Variants in MYH1 observed in about 807,000 individuals in gnomAD.
MYH1 encodes myosin-1.
A neutral mutation model predicts 225.6 loss-of-function variants in MYH1; 214 were observed. The observed-to-expected ratio is 0.95, with a 90% CI of 0.85 to 1.06. The LOEUF is 1.06. Ranked by LOEUF, MYH1 falls within the 50% of genes least tolerant of loss-of-function variation. The probability of loss-of-function intolerance (pLI) is 0.00; values close to 1 mark genes in which losing one functional copy is unlikely to be tolerated. For missense variants in MYH1, 2,098 were observed against 2,344.2 expected, an observed-to-expected ratio of 0.89 and a Z score of 2.17; for synonymous variants, 774 against 842.3, an observed-to-expected ratio of 0.92 and a Z score of 1.40.
At chr17:10,492,702 T>A (rs1388348017) in intron 39 of MYH1, 134 bp from the exon 40 acceptor site, 52 of 1,016,298 alleles carry the variant, frequency 5.1e-5, no homozygotes, top group Non-Finnish European at 6.3e-5. Flanking sequence ...AGAGAAATGC[T>A]CTTGAATTTT....
At position 10,501,481 on chromosome 17, in the gene MYH1, C is replaced by G; in HGVS notation, c.3367G>C (p.Glu1123Gln). The change falls in exon 27 of 40, where the codon GAG becomes CAG. Residue 1123 changes from glutamate (E) to glutamine (Q), a missense_variant. Glu to Gln is a conservative substitution (Grantham distance 29). Coordinates refer to ENST00000226207, the MANE Select transcript of MYH1 (RefSeq NM_005963.4). Reference protein sequence around the residue: ...KELQARIEELEEEIEAERASR... With the variant: ...KELQARIEELQEEIEAERASR... ...GCCCGCTCTGCCTCGATTTCCTCCT[C>G]CAGCTCCTCAATGCGGGCCTGGGAA... is the stretch of plus-strand genomic sequence containing the variant. 2 of 1,614,244 alleles carry G rather than the reference C, an allele frequency of 1.2e-6. No individual in the cohort carries two copies. The highest frequency in any genetic ancestry group is 1.7e-6 in the Non-Finnish European group (2 of 1,180,048).
chr17:10,514,111 C>A lies in MYH1; in HGVS notation c.547G>T (p.Ala183Ser), dbSNP rs374196346. The change falls in exon 7 of 40, where the codon GCA becomes TCA. Residue 183 changes from alanine to serine, a missense_variant. Ala to Ser is a moderately conservative substitution (Grantham distance 99). Transcript: ENST00000226207. ...QSILITGESG[A>S]GKTVNTKRVI... ...CGCTTGGTGTTCACAGTCTTCCCTG[C>A]GCCAGATTCTCCGCTGTCAAAGACC... 2.5e-6 allele frequency: 4 copies of A among 1,613,994 alleles called. No individual in the cohort carries two copies. The highest frequency in any genetic ancestry group is 2.7e-5 in the African/African-American group (2 of 74,918).
chr17:10,515,833 T>C lies in MYH1; in HGVS notation c.505+93A>G, dbSNP rs775012769. On this transcript the variant is annotated intron_variant, in intron 5 of 39. Coordinates refer to ENST00000226207, the MANE Select transcript of MYH1 (RefSeq NM_005963.4). The stretch of plus-strand genomic sequence containing the variant: ...TCTGCTGAACAACCAGGGGCGTGAA[T>C]TGGGTTTTTTTCTAAAGGTCTTTTT... The C allele has an allele frequency of 3.8e-6, 6 of 1,597,968 alleles. No homozygotes were observed. In the Admixed American group the frequency reaches 5.1e-5, roughly 14 times the overall value.
intron 33 of MYH1, 53 bp downstream of exon 33, chr17:10,497,016 A>G: frequency 6.3e-7 from 1 of 1,577,178 alleles, no homozygotes; most frequent in Non-Finnish European, 8.6e-7. Flanking sequence ...CTTACATTTA[A>G]TAGACCCCAA....
rs1046271569 is a variant in MYH1, at chr17:10,516,072, C to A, written c.359G>T (p.Gly120Val). 3 of 1,614,024 alleles carry A rather than the reference C, an allele frequency of 1.9e-6. No homozygotes were observed. The African/African-American group carries it at 4.0e-5, about 22-fold the overall frequency. Residue 120 changes from glycine (G) to valine (V), a missense_variant, in exon 5 of 40, where the codon GGC becomes GTC. Physicochemically the swap from Gly to Val is moderately radical, Grantham distance 109. Transcript: ENST00000226207. ...GGGGTTGACAGTGACACAGAACAAG[C>A]CTGAGTAGGTCTGCACCCAAAACAA... The part of the protein sequence containing the change: ...YAAWMIYTYS[G>V]LFCVTVNPYK...
chr17:10,492,665 C>T, intron 39 of MYH1, 97 bp from the exon 40 acceptor site: 1 of 1,320,778 alleles, frequency 7.6e-7, no homozygotes, highest in Non-Finnish European at 1.0e-6. Flanking sequence ...AAAAATGATT[C>T]ACTCTAGCAG....
In MYH1 at chr17:10,501,202, G is replaced by A. The variant is rs751690695; in HGVS notation, c.3646C>T (p.Arg1216Ter). 16 of 1,614,000 alleles carry A rather than the reference G, an allele frequency of 9.9e-6. No homozygotes were observed. The East Asian group carries it at 1.1e-4, about 11-fold the overall frequency. ...TCCTTCTCCAGCTTCTGCTTCACTC[G>A]CTGCAGGTTGTCAATCTGCTCCCCA... is the stretch of plus-strand genomic sequence containing the variant. ...ELGEQIDNLQ[R>*]VKQKLEKEKS... The change falls in exon 27 of 40, where the codon CGA becomes TGA. Residue 1216 changes from arginine to a stop codon, truncating the protein, a stop_gained. Coordinates refer to ENST00000226207, the MANE Select transcript of MYH1 (RefSeq NM_005963.4). LOFTEE classifies it high-confidence loss of function.
At position 10,516,356 on chromosome 17, in the gene MYH1, CAA is replaced by C. The variant is rs751775153; in HGVS notation, c.205-16_205-15del. The C allele has an allele frequency of 1.2e-6, 2 of 1,614,098 alleles. No homozygotes were observed. Among genetic ancestry groups the C allele is most frequent in the Non-Finnish European group, 1.7e-6 (2 of 1,180,022 alleles). ...CACTGTTACAGTCTGTCCAGTCAAA[CAA>C]GAGAGGCCAGATCAAAAAGTAAGTG... is the stretch of plus-strand genomic sequence containing the variant. On this transcript the variant is annotated splice_polypyrimidine_tract_variant and intron_variant, in intron 3 of 39. Coordinates refer to ENST00000226207, the MANE Select transcript of MYH1 (RefSeq NM_005963.4).
At position 10,494,869 on chromosome 17, in the gene MYH1, G is replaced by A. The variant is rs143535345; in HGVS notation, c.5466+62C>T. 4.3e-4 allele frequency: 698 copies of A among 1,612,832 alleles called. 7 individuals carry two copies. In the East Asian group the frequency reaches 0.014, roughly 33 times the overall value. On this transcript the variant is annotated intron_variant, in intron 37 of 39. Coordinates refer to ENST00000226207, the MANE Select transcript of MYH1 (RefSeq NM_005963.4). ...GCCCCACATCATCTAGCAGTGCTAG[G>A]TATTCAGAATCGTGTGTTGGATTGG...
chr17:10,507,257 T>C (rs576616266), intron 17 of MYH1, among the ~76,000 whole-genome samples: 3 of 152,188 alleles, frequency 2.0e-5, no homozygotes, highest in African/African-American at 7.2e-5. Context: ...GAGATGGGGT[T>C]TCATCATGTT....
intron 14 of MYH1, among the ~76,000 whole-genome samples, chr17:10,510,005 C>G (rs899262460): frequency 5.9e-5 from 9 of 152,082 alleles, no homozygotes; most frequent in African/African-American, 1.9e-4. Flanking sequence ...TAGAGGGAAA[C>G]AGCACACACT....
chr17:10,497,379 G>A lies in MYH1; in HGVS notation c.4439C>T (p.Ser1480Leu). 2.5e-6 allele frequency: 4 copies of A among 1,613,832 alleles called. No individual in the cohort carries two copies. Among genetic ancestry groups the A allele is most frequent in the African/African-American group, 2.7e-5 (2 of 75,038 alleles). The change falls in exon 32 of 40, where the codon TCA (serine) becomes TTA (leucine). Residue 1480 changes from serine to leucine, a missense_variant. Coordinates refer to ENST00000226207, the MANE Select transcript of MYH1 (RefSeq NM_005963.4). ...AATCTTAAATAGTTCTGTGCTGAGT[G>A]AGCGGGATTCCTTTTGAGAAGCTTC... ...ELEASQKESR[S>L]LSTELFKIKN...
Position 10,512,401 on chromosome 17 carries a change from T to C in MYH1, c.1147+7A>G. The C allele has an allele frequency of 6.2e-7, 1 of 1,614,156 alleles. No homozygotes were observed. The highest frequency in any genetic ancestry group is 8.5e-7 in the Non-Finnish European group (1 of 1,179,996). On this transcript the variant is annotated splice_region_variant and intron_variant, in intron 12 of 39. Transcript: ENST00000226207. ...TCATTAAACCCAGATGGAGATTCAT[T>C]TGGTACCTTCAGTGCCATCTGGCTC...
rs571999841 is a variant in MYH1, at chr17:10,512,756, G to A, written c.933C>T (p.Tyr311=). 85 of 1,613,880 alleles carry A rather than the reference G, an allele frequency of 5.3e-5. No homozygotes were observed. Among genetic ancestry groups the A allele is most frequent in the Non-Finnish European group, 6.2e-5 (73 of 1,179,986 alleles). ...CCCCTTGACTGACGAAGGCATAATC[G>A]TATGGGTTGGTGGTGATCAGGAGCA... The part of the protein sequence containing the change: ...IEMLLITTNP[Y]DYAFVSQGEI... The change falls in exon 11 of 40, where the codon TAC becomes TAT. Residue 311 remains tyrosine, a synonymous_variant. Coordinates refer to ENST00000226207, the MANE Select transcript of MYH1 (RefSeq NM_005963.4).
Position 10,518,049 on chromosome 17 carries a change from G to A in MYH1, c.-41+191C>T, listed in dbSNP as rs551702970. Reference sequence around the variant, plus strand: ...CTGAGAAAGCATTTTCATATATTGCGAGGGATATGAGTTAAGGAGAACCAG... The same window carrying A: ...CTGAGAAAGCATTTTCATATATTGCAAGGGATATGAGTTAAGGAGAACCAG... On this transcript the variant is annotated intron_variant, in intron 2 of 39. Coordinates refer to ENST00000226207, the MANE Select transcript of MYH1 (RefSeq NM_005963.4). Among the ~76,000 whole-genome samples, 10 of 152,182 alleles carry A rather than the reference G, an allele frequency of 6.6e-5. No individual in the cohort carries two copies. In the East Asian group the frequency reaches 1.9e-3, roughly 29 times the overall value.
At position 10,492,515 on chromosome 17, in the gene MYH1, C is replaced by T. The variant is rs1019335368; in HGVS notation, c.5721G>A (p.Leu1907=). 1 of 1,614,168 alleles carries T rather than the reference C, an allele frequency of 6.2e-7. No individual in the cohort carries two copies. The highest frequency in any genetic ancestry group is 8.5e-7 in the Non-Finnish European group (1 of 1,180,016). Residue 1907 remains leucine (L), a synonymous_variant, in exon 40 of 40, where the codon CTG becomes CTA. Transcript: ENST00000226207. ...TGTCAGCCCGTTCCTCGGCCTCCTC[C>T]AGCTCGTGCTGGATCCTGCGGAATT... ...LSKFRRIQHE[L]EEAEERADIA... is the part of the protein sequence containing the mutation.
At chr17:10,513,125 G>T (rs1034646617) in intron 9 of MYH1, among the ~76,000 whole-genome samples, 160 bp from the exon 10 acceptor site, 2 of 152,086 alleles carry the variant, frequency 1.3e-5, no homozygotes, top group Non-Finnish European at 2.9e-5. Context: ...AAACACTATT[G>T]CAGTTCCTCC....
At chr17:10,507,795 T>G in intron 17 of MYH1, 91 bp downstream of exon 17, 1 of 1,076,880 alleles carries the variant, frequency 9.3e-7, no homozygotes, top group South Asian at 1.3e-5. Context: ...ACATCAGTTC[T>G]AGAATCCTTG....
At chr17:10,493,880 C>T (rs903140678) in intron 39 of MYH1, among the ~76,000 whole-genome samples, 1 of 152,204 alleles carries the variant, frequency 6.6e-6, no homozygotes. Flanking sequence ...CAGAACCGAC[C>T]TGAAAAGCTT....
Sources: gnomAD v4.1 joint callset for allele counts (sites outside exome capture counted in the v4.1 genomes callset) on GRCh38, gnomAD v4.1.1 for gene constraint, MANE v1.5 for transcripts, NCBI Gene and HGNC (gene_info 2026-07-23, HGNC 2026-07-21) for gene names.